IGF2R: variants seen among roughly 807,000 people sequenced by gnomAD.
IGF2R encodes the protein insulin like growth factor 2 receptor, also known as cation-independent mannose-6-phosphate receptor.
In IGF2R, 91 loss-of-function variants were observed where a neutral mutation model predicts 270.6. That is an observed-to-expected ratio of 0.34 (90% CI 0.28 to 0.40). The LOEUF (loss-of-function observed/expected upper bound fraction) is 0.40, where lower values mean the gene tolerates loss of function less well. IGF2R is among the 10% of genes least tolerant of loss of function. The pLI is 1.00. For synonymous variants in IGF2R, 1,316 were observed against 1,258.9 expected, an observed-to-expected ratio of 1.05 and a Z score of -0.96; for missense variants, 2,805 against 3,188.3, an observed-to-expected ratio of 0.88 and a Z score of 2.90.
At chr6:160,064,925 CTT>C (rs763101102) in intron 29 of IGF2R, 24 bp downstream of exon 29, 1 of 1,474,498 alleles carries the variant, frequency 6.8e-7, no homozygotes, top group Non-Finnish European at 9.5e-7. Flanking sequence ...TGTGTTGTCT[CTT>C]TTGGACAGAC....
At chr6:160,059,679 A>G (rs1202545915) in intron 22 of IGF2R, among the ~76,000 whole-genome samples, 1 of 152,224 alleles carries the variant, frequency 6.6e-6, no homozygotes, top group Admixed American at 6.5e-5. Context: ...CAGTGTCCAC[A>G]GTACGGCCAT....
intron 22 of IGF2R, 91 bp from the exon 23 acceptor site, chr6:160,060,456 T>C (rs973721595): frequency 1.6e-6 from 2 of 1,276,674 alleles, no homozygotes; most frequent in African/African-American, 3.0e-5. Context: ...TTGTTGCCAG[T>C]GGCAGCCTTG....
At chr6:160,079,402 G>T (rs1351510963) in intron 37 of IGF2R, among the ~76,000 whole-genome samples, 178 bp from the exon 38 acceptor site, 2 of 152,182 alleles carry the variant, frequency 1.3e-5, no homozygotes, top group African/African-American at 4.8e-5. Flanking sequence ...AGGGGTTGGG[G>T]GAGGCCCCCC....
At chr6:160,031,303 A>T (rs1009483580) in intron 7 of IGF2R, among the ~76,000 whole-genome samples, 3 of 152,220 alleles carry the variant, frequency 2.0e-5, no homozygotes, top group Admixed American at 6.5e-5. Flanking sequence ...AGATCATTTT[A>T]AAAATGCTTT....
chr6:159,977,353 G>A (rs940566658), intron 1 of IGF2R, among the ~76,000 whole-genome samples: 4 of 152,204 alleles, frequency 2.6e-5, no homozygotes, highest in African/African-American at 7.2e-5. Flanking sequence ...GTGCAGCTGC[G>A]TGGGGTAGGG....
chr6:160,018,811 CA>C (rs2115216223), intron 4 of IGF2R, among the ~76,000 whole-genome samples: 1 of 151,988 alleles, frequency 6.6e-6, no homozygotes, highest in East Asian at 1.9e-4. Flanking sequence ...CGGGATACAG[CA>C]AAAGCAGGGC....
chr6:159,973,258 G>T (rs1159703148), intron 1 of IGF2R, among the ~76,000 whole-genome samples: 2 of 152,114 alleles, frequency 1.3e-5, no homozygotes, highest in Non-Finnish European at 2.9e-5. Flanking sequence ...TTTAAACTTT[G>T]TAAAATGTCA....
At chr6:160,072,159 G>A (rs1778755791) in intron 32 of IGF2R, 123 bp downstream of exon 32, 2 of 1,205,622 alleles carry the variant, frequency 1.7e-6, no homozygotes, top group African/African-American at 3.0e-5. Flanking sequence ...GGGCAGAGGT[G>A]TCATGGTGTG....
Position 160,027,257 on chromosome 6 carries a change from A to G in IGF2R, c.719A>G (p.His240Arg), listed in dbSNP as rs1330379787. 1 of 1,614,082 alleles carries G rather than the reference A, an allele frequency of 6.2e-7. No individual in the cohort carries two copies. The highest frequency in any genetic ancestry group is 1.3e-5 in the African/African-American group (1 of 74,950). The change falls in exon 6 of 48, where the codon CAC becomes CGC. Residue 240 changes from histidine to arginine, a missense_variant. By Grantham distance (29) the His-to-Arg change is conservative. Coordinates refer to ENST00000356956, the MANE Select transcript of IGF2R (RefSeq NM_000876.4). Reference sequence around the variant, plus strand: ...ACTGCCGCCTGCCTGGTAAGAGGACACCAGGCGTTTGATGTTGGCCAGCCC... The same window carrying G: ...ACTGCCGCCTGCCTGGTAAGAGGACGCCAGGCGTTTGATGTTGGCCAGCCC... The part of the protein sequence containing the change: ...PGTAACLVRG[H>R]QAFDVGQPRD...
chr6:160,104,977 G>A lies in IGF2R; in HGVS notation c.7369G>A (p.Glu2457Lys). The stretch of plus-strand genomic sequence containing the variant: ...CGATAGGGTGGGGCTGGTCAGGGGT[G>A]AGAAGGCGAGGAAAGGGAAGTCCAG... ...EDDRVGLVRG[E>K]KARKGKSSSA... Residue 2457 changes from glutamate (E) to lysine (K), a missense_variant, in exon 48 of 48, where the codon GAG becomes AAG. By Grantham distance (56) the Glu-to-Lys change is moderately conservative. This residue lies in a region of IGF2R where 1,851 missense variants were observed against 2,207.2 expected (regional missense o/e 0.84). Coordinates refer to ENST00000356956, the MANE Select transcript of IGF2R (RefSeq NM_000876.4). 1 of 1,614,064 alleles carries A rather than the reference G, an allele frequency of 6.2e-7. No individual in the cohort carries two copies. The highest frequency in any genetic ancestry group is 8.5e-7 in the Non-Finnish European group (1 of 1,180,016).
intron 1 of IGF2R, among the ~76,000 whole-genome samples, chr6:159,979,287 C>T (rs1390782489): frequency 1.3e-5 from 2 of 152,190 alleles, no homozygotes; most frequent in Non-Finnish European, 2.9e-5. Context: ...ACACTCCCTG[C>T]GCCCCACCCT....
intron 4 of IGF2R, among the ~76,000 whole-genome samples, chr6:160,023,546 C>T (rs1444294417): frequency 6.6e-6 from 1 of 152,162 alleles, no homozygotes; most frequent in Non-Finnish European, 1.5e-5. Flanking sequence ...TTAGTTCACT[C>T]AGGCCTTACA....
At chr6:159,993,460 G>A (rs1289501040) in intron 2 of IGF2R, among the ~76,000 whole-genome samples, 2 of 152,098 alleles carry the variant, frequency 1.3e-5, no homozygotes, top group East Asian at 1.9e-4. Flanking sequence ...TCCCAGCACC[G>A]TTTATTGAAT....
chr6:160,062,661 G>T, intron 26 of IGF2R, 42 bp downstream of exon 26: 1 of 1,421,432 alleles, frequency 7.0e-7, no homozygotes, highest in Non-Finnish European at 9.9e-7. Flanking sequence ...TAAATGTATA[G>T]AGTAGCAGAC....
At chr6:160,024,461 G>A (rs2277071) in intron 4 of IGF2R, 111 bp from the exon 5 acceptor site, 221,215 of 1,051,462 alleles carry the variant, frequency 0.21, 28,583 homozygotes, top group East Asian at 0.51. Context: ...GGACACCATA[G>A]CATGATAGTC....
At chr6:160,029,475 A>G (rs1369040626) in intron 6 of IGF2R, 75 bp from the exon 7 acceptor site, 2 of 881,242 alleles carry the variant, frequency 2.3e-6, no homozygotes, top group Non-Finnish European at 3.8e-6. Flanking sequence ...AATGTGCTGA[A>G]TGCTCAGGGC....
rs115226375 is a variant in IGF2R, at chr6:159,985,325, G to A, written c.150-5859G>A. ...TACCTAATTGGTTAAGGACTCACCC[G>A]TGGGCCTCACACCGCCTAGGTTAAT... On this transcript the variant is annotated intron_variant, in intron 1 of 47. Transcript: ENST00000356956. 7.4e-4 allele frequency among the ~76,000 whole-genome samples: 112 copies of A among 152,316 alleles called. 1 individual carries two copies. The highest frequency in any genetic ancestry group is 2.6e-3 in the African/African-American group (110 of 41,562).
chr6:160,105,275 G>A lies in IGF2R; in HGVS notation c.*191G>A. On this transcript the variant is annotated 3_prime_UTR_variant, in exon 48 of 48. Coordinates refer to ENST00000356956, the MANE Select transcript of IGF2R (RefSeq NM_000876.4). ...TCCTTCCTGATTGTTTACAGTCATTGGAATAAGGCATGGCTCAGATCGGCC... is the reference window on the plus strand; with the variant it reads ...TCCTTCCTGATTGTTTACAGTCATTAGAATAAGGCATGGCTCAGATCGGCC... 2 of 576,656 alleles carry A rather than the reference G, an allele frequency of 3.5e-6. No individual in the cohort carries two copies. Among genetic ancestry groups the A allele is most frequent in the Non-Finnish European group, 6.1e-6 (2 of 328,908 alleles). 35.7% of individuals were successfully genotyped at this position (576,656 alleles called of 1,614,324 possible).
chr6:160,051,215 T>G (rs75626141), intron 19 of IGF2R, among the ~76,000 whole-genome samples: 1 of 152,230 alleles, frequency 6.6e-6, no homozygotes, highest in Non-Finnish European at 1.5e-5. Flanking sequence ...TAGACAGTTC[T>G]TTTGACGGGG....
Sources: allele counts gnomAD v4.1 joint callset (sites outside exome capture counted in the v4.1 genomes callset), GRCh38; gene constraint gnomAD v4.1.1; regional missense constraint gnomAD v4.1.1; transcripts MANE v1.5; gene names NCBI Gene and HGNC (gene_info 2026-07-23, HGNC 2026-07-21).